Variants in MBD5 observed in about 807,000 individuals in gnomAD.
MBD5 encodes methyl-CpG-binding domain protein 5.
A neutral mutation model predicts 117.3 loss-of-function variants in MBD5; 13 were observed. The ratio of observed to expected loss-of-function variants is 0.11; its 90% CI spans 0.07 to 0.18. The LOEUF (loss-of-function observed/expected upper bound fraction) is 0.18. Ranked by LOEUF, MBD5 falls within the 10% of genes least tolerant of loss-of-function variation. The pLI, the probability that MBD5 is intolerant of heterozygous loss-of-function variation, is 1.00. For missense variants in MBD5, 1,879 were observed against 2,093.8 expected, an observed-to-expected ratio of 0.90 and a Z score of 2.00; for synonymous variants, 727 against 766.4, an observed-to-expected ratio of 0.95 and a Z score of 0.85.
At chr2:148,323,372 G>T (rs1418046124) in intron 3 of MBD5, among the ~76,000 whole-genome samples, 1 of 151,512 alleles carries the variant, frequency 6.6e-6, no homozygotes, top group Non-Finnish European at 1.5e-5. Context: ...GTAATGGGAT[G>T]GCTGGGTCAA....
At chr2:148,065,166 C>A (rs1242705416) in intron 1 of MBD5, among the ~76,000 whole-genome samples, 1 of 152,114 alleles carries the variant, frequency 6.6e-6, no homozygotes, top group African/African-American at 2.4e-5. Context: ...TATGTAAGCC[C>A]AACCTGCTTG....
In MBD5 at chr2:148,490,614, T is replaced by C. The variant is rs1193125469; in HGVS notation, c.4962+20T>C. On this transcript the variant is annotated intron_variant, in intron 11 of 13. Coordinates refer to ENST00000642680, the MANE Select transcript of MBD5 (RefSeq NM_001378120.1). ...GGGAAGGTATACCAATCTTTATCCA[T>C]TGTCAAATACTAACCTTTGTTCAGA... 5 of 1,613,790 alleles carry C rather than the reference T, an allele frequency of 3.1e-6. No individual in the cohort carries two copies. Among genetic ancestry groups the C allele is most frequent in the Non-Finnish European group, 4.2e-6 (5 of 1,179,792 alleles).
At chr2:148,171,657 T>C (rs185229601) in intron 1 of MBD5, among the ~76,000 whole-genome samples, 410 of 152,190 alleles carry the variant, frequency 2.7e-3, no homozygotes, top group Non-Finnish European at 4.5e-3. Context: ...AGCATCCAGA[T>C]AGGAAAAGAA....
At chr2:148,272,662 T>C (rs1701012875) in intron 3 of MBD5, among the ~76,000 whole-genome samples, 1 of 152,208 alleles carries the variant, frequency 6.6e-6, no homozygotes, top group Admixed American at 6.5e-5. Context: ...TTCTTTGTGT[T>C]CTGTATATAT....
At chr2:148,041,033 G>A (rs1694342992) in intron 1 of MBD5, among the ~76,000 whole-genome samples, 1 of 152,028 alleles carries the variant, frequency 6.6e-6, no homozygotes, top group Admixed American at 6.6e-5. Context: ...ATCGATCATG[G>A]GTCACTATAG....
intron 1 of MBD5, among the ~76,000 whole-genome samples, chr2:148,130,592 C>A (rs1697021140): frequency 1.3e-5 from 2 of 150,644 alleles, no homozygotes; most frequent in South Asian, 4.2e-4. Context: ...ATCAGAGGAA[C>A]CTATCTCACA....
intron 1 of MBD5, among the ~76,000 whole-genome samples, chr2:148,058,359 A>T (rs1694930035): frequency 6.6e-6 from 1 of 152,044 alleles, no homozygotes; most frequent in Admixed American, 6.5e-5. Context: ...AAGTGGGAAG[A>T]GCCAGAATTC....
chr2:148,055,418 C>CTTTTTTTT (rs56877252), intron 1 of MBD5: 4 of 140,914 alleles, frequency 2.8e-5, no homozygotes, highest in Non-Finnish European at 3.1e-5. Flanking sequence ...ATAGGTTTTT[C>CTTTTTTTT]TTTTTTTTTT....
intron 11 of MBD5, among the ~76,000 whole-genome samples, chr2:148,494,939 G>C (rs545156595): frequency 6.6e-6 from 1 of 152,208 alleles, no homozygotes; most frequent in African/African-American, 2.4e-5. Flanking sequence ...CTCCAGCCTG[G>C]GCGACAGAGC....
chr2:148,333,007 T>C (rs1406441908), intron 3 of MBD5, among the ~76,000 whole-genome samples: 1 of 152,168 alleles, frequency 6.6e-6, no homozygotes, highest in Admixed American at 6.5e-5. Context: ...GACCTTTCTA[T>C]TGAGTTCTTC....
In MBD5 at chr2:148,342,222, G is replaced by A. The variant is rs1359996432; in HGVS notation, c.-671G>A. 6.6e-6 allele frequency: 1 copy of A among 151,944 alleles called. No homozygotes were observed. Among genetic ancestry groups the A allele is most frequent in the Non-Finnish European group, 1.5e-5 (1 of 67,954 alleles). The allele number at this position is 151,944 out of a possible 1,614,324, so 9.4% of individuals were successfully genotyped here. A position where few individuals can be genotyped will look rare whatever the true frequency, so the allele number is the denominator to read the frequency against. ...TGTTATTTCTGTTCCAGAGAGAAGA[G>A]GTACTCCCTTATAGGGACTCGTAAA... is the stretch of plus-strand genomic sequence containing the variant. On this transcript the variant is annotated 5_prime_UTR_variant, in exon 4 of 14. Transcript: ENST00000642680.
At chr2:148,302,778 C>T (rs1446866080) in intron 3 of MBD5, among the ~76,000 whole-genome samples, 17 of 151,264 alleles carry the variant, frequency 1.1e-4, no homozygotes, top group Non-Finnish European at 5.9e-5. Flanking sequence ...CTACAATGTA[C>T]ACCACCCTAC....
chr2:148,440,344 A>G (rs897020752), intron 4 of MBD5, among the ~76,000 whole-genome samples: 2 of 152,170 alleles, frequency 1.3e-5, no homozygotes, highest in African/African-American at 2.4e-5. Flanking sequence ...CCTGTAATAC[A>G]TCTGGTTCAA....
chr2:148,505,308 G>A (rs1202883519), intron 12 of MBD5, among the ~76,000 whole-genome samples: 2 of 152,148 alleles, frequency 1.3e-5, no homozygotes, highest in African/African-American at 4.8e-5. Context: ...ATACGTGTCT[G>A]AAACTGGGGA....
chr2:148,057,071 T>C (rs1217932957), intron 1 of MBD5, among the ~76,000 whole-genome samples: 1 of 151,822 alleles, frequency 6.6e-6, no homozygotes, highest in Non-Finnish European at 1.5e-5. Flanking sequence ...ATTTTAAATA[T>C]TTAATATTTT....
chr2:148,382,562 C>G (rs1704186598), intron 4 of MBD5, among the ~76,000 whole-genome samples: 1 of 152,124 alleles, frequency 6.6e-6, no homozygotes, highest in Non-Finnish European at 1.5e-5. Context: ...AGAAAATTAA[C>G]AAGGATATCC....
At chr2:148,023,285 C>A (rs1693814374) in intron 1 of MBD5, among the ~76,000 whole-genome samples, 1 of 152,046 alleles carries the variant, frequency 6.6e-6, no homozygotes, top group Admixed American at 6.6e-5. Flanking sequence ...GATAATACTT[C>A]TAATTTTTTA....
chr2:148,483,952 A>C lies in MBD5; in HGVS notation c.3361A>C (p.Thr1121Pro). The C allele has an allele frequency of 6.4e-7, 1 of 1,550,434 alleles. No homozygotes were observed. The highest frequency in any genetic ancestry group is 8.7e-7 in the Non-Finnish European group (1 of 1,146,908). The change falls in exon 9 of 14, where the codon ACT (threonine) becomes CCT (proline). Residue 1121 changes from threonine to proline, a missense_variant. Around this residue, in one of 4 missense-constraint regions of MBD5, gnomAD observed 1,666 missense variants for 1,792.2 expected, o/e 0.93. Transcript: ENST00000642680. ...TSSQATTTTTTTSSAVAALTV... is the reference protein window; with the variant it reads ...TSSQATTTTTPTSSAVAALTV... ...CTCCCAGGCAACCACTACCACAACC[A>C]CTACATCATCAGCAGTGGCAGCACT...
At chr2:148,380,199 A>G (rs1450500831) in intron 4 of MBD5, among the ~76,000 whole-genome samples, 2 of 152,176 alleles carry the variant, frequency 1.3e-5, no homozygotes, top group African/African-American at 2.4e-5. Context: ...CTTTTTGTCC[A>G]CTTAATATCA....
Sources: gnomAD v4.1 joint callset for allele counts (sites outside exome capture counted in the v4.1 genomes callset) on GRCh38, gnomAD v4.1.1 for gene constraint, gnomAD v4.1.1 regional missense constraint, MANE v1.5 for transcripts, NCBI Gene and HGNC (gene_info 2026-07-23, HGNC 2026-07-21) for gene names.